The following CSPP1 variants were observed in gnomAD, a reference collection of about 807,000 sequenced individuals.
CSPP1 encodes centrosome and spindle pole-associated protein 1.
Under a neutral mutation model 164.4 loss-of-function variants are expected in CSPP1, and 126 were observed. That is an observed-to-expected ratio of 0.77 (90% CI 0.66 to 0.89). The LOEUF is 0.89. Ranked by LOEUF, CSPP1 falls within the 40% of genes least tolerant of loss-of-function variation. The probability of loss-of-function intolerance (pLI) is 0.00; values close to 1 mark genes in which losing one functional copy is unlikely to be tolerated. For missense variants in CSPP1, 1,395 were observed against 1,449.8 expected (o/e 0.96, Z 0.61); for synonymous variants, 472 against 476.7 (o/e 0.99, Z 0.13).
chr8:67,148,780 T>A (rs895949438), intron 17 of CSPP1, among the ~76,000 whole-genome samples: 5 of 152,216 alleles, frequency 3.3e-5, no homozygotes, highest in African/African-American at 1.2e-4. Flanking sequence ...CAGGTACTTT[T>A]TATTTTATTA....
At chr8:67,182,315 CCCT>C (rs945162066) in intron 28 of CSPP1, among the ~76,000 whole-genome samples, 3 of 144,980 alleles carry the variant, frequency 2.1e-5, no homozygotes, top group Non-Finnish European at 2.9e-5. Context: ...GCCAGATTTC[CCCT>C]TTTTTTTTTT....
chr8:67,119,536 G>A (rs975283942), intron 15 of CSPP1, among the ~76,000 whole-genome samples: 2 of 151,986 alleles, frequency 1.3e-5, no homozygotes, highest in Non-Finnish European at 1.5e-5. Flanking sequence ...ATTTCTCCAC[G>A]TCTTTGCCAA....
intron 15 of CSPP1, among the ~76,000 whole-genome samples, chr8:67,131,633 A>T (rs574959237): frequency 6.6e-6 from 1 of 152,272 alleles, no homozygotes; most frequent in African/African-American, 2.4e-5. Flanking sequence ...CTGTGTTATT[A>T]TTTCTGTTTG....
At chr8:67,067,709 C>T (rs1407459008) in intron 1 of CSPP1, among the ~76,000 whole-genome samples, 1 of 151,746 alleles carries the variant, frequency 6.6e-6, no homozygotes, top group African/African-American at 2.4e-5. Context: ...GTGATCCGCC[C>T]GCCTCGGCCT....
chr8:67,136,500 C>T (rs565118865), intron 16 of CSPP1, among the ~76,000 whole-genome samples: 55 of 131,300 alleles, frequency 4.2e-4, no homozygotes, highest in African/African-American at 1.5e-3. Flanking sequence ...ACCCGGGAGG[C>T]GGAGCTTGCA....
chr8:67,095,311 A>C lies in CSPP1; in HGVS notation c.502A>C (p.Lys168Gln), dbSNP rs772650396. The C allele has an allele frequency of 1.3e-5, 21 of 1,567,600 alleles. No individual in the cohort carries two copies. The highest frequency in any genetic ancestry group is 1.7e-5 in the Non-Finnish European group (20 of 1,164,516). The change falls in exon 7 of 31, where the codon AAA becomes CAA. Residue 168 changes from lysine (K) to glutamine (Q), a missense_variant. By Grantham distance (53) the Lys-to-Gln change is moderately conservative. Transcript: ENST00000678616. Reference sequence around the variant, plus strand: ...TGAACAGCCCAAGAGTCAGAGAAATAAAAAACCTATTGGTCAAGTTAAGCC... The same window carrying C: ...TGAACAGCCCAAGAGTCAGAGAAATCAAAAACCTATTGGTCAAGTTAAGCC... ...KSTEPKSQRN[K>Q]KPIGQVKPDL...
intron 28 of CSPP1, among the ~76,000 whole-genome samples, chr8:67,185,330 T>G (rs934391865): frequency 6.6e-6 from 1 of 152,318 alleles, no homozygotes. Context: ...CGACAAAGAT[T>G]ATCACTTTAA....
intron 24 of CSPP1, among the ~76,000 whole-genome samples, chr8:67,165,864 AG>A (rs1012080128): frequency 5.9e-5 from 9 of 152,336 alleles, no homozygotes; most frequent in South Asian, 2.1e-4. Context: ...AAGAGTGAGA[AG>A]GGGGTGGAAT....
chr8:67,086,736 C>A, intron 4 of CSPP1: 3 of 614,778 alleles, frequency 4.9e-6, no homozygotes, highest in Non-Finnish European at 8.2e-6. Flanking sequence ...TCCAAGTGTA[C>A]AAATGTCTCT....
chr8:67,101,937 T>C (rs1814210489), intron 7 of CSPP1, among the ~76,000 whole-genome samples: 1 of 152,210 alleles, frequency 6.6e-6, no homozygotes, highest in African/African-American at 2.4e-5. Flanking sequence ...GCTTATGAAA[T>C]GCTGATTTTC....
chr8:67,172,049 C>T (rs959500806), intron 24 of CSPP1, among the ~76,000 whole-genome samples: 16 of 147,500 alleles, frequency 1.1e-4, no homozygotes, highest in African/African-American at 4.0e-4. Flanking sequence ...GGTTTCTCCA[C>T]GTTGGCCCAG....
chr8:67,095,225 G>T lies in CSPP1; in HGVS notation c.484-68G>T, dbSNP rs1041255834. ...ATGATAGACTAAGTATAAATTGAGG[G>T]TTTAATTACCTTATAAGAGATAGTT... On this transcript the variant is annotated intron_variant, in intron 6 of 30. Transcript: ENST00000678616. 9.8e-6 allele frequency: 9 copies of T among 922,822 alleles called. No homozygotes were observed. The Admixed American group carries it at 1.2e-4, about 13-fold the overall frequency. The allele number at this position is 922,822 out of a possible 1,614,324, so 57.2% of individuals were successfully genotyped here.
chr8:67,166,197 A>G (rs906288396), intron 24 of CSPP1, among the ~76,000 whole-genome samples: 2 of 152,116 alleles, frequency 1.3e-5, no homozygotes, highest in Non-Finnish European at 2.9e-5. Flanking sequence ...CATCCCTAGA[A>G]TCAGCTATTT....
chr8:67,139,538 G>A (rs1212476333), intron 17 of CSPP1, among the ~76,000 whole-genome samples: 6 of 152,200 alleles, frequency 3.9e-5, no homozygotes, highest in Non-Finnish European at 5.9e-5. Flanking sequence ...AAAGACACAT[G>A]CACATGTATG....
At position 67,149,794 on chromosome 8, in the gene CSPP1, A is replaced by G. The variant is rs199996939; in HGVS notation, c.1987A>G (p.Arg663Gly). The change falls in exon 18 of 31, where the codon AGG becomes GGG. Residue 663 changes from arginine to glycine, a missense_variant. Coordinates refer to ENST00000678616, the MANE Select transcript of CSPP1 (RefSeq NM_001382391.1). ...TTTTTTCCTCTCAGCTGATTTGAAT[A>G]GGATGCACAGACAAAATATAGATGC... Reference protein sequence around the residue: ...AKGNLITDLNRMHRQNIDAYH... With the variant: ...AKGNLITDLNGMHRQNIDAYH... 3.1e-4 allele frequency: 493 copies of G among 1,572,752 alleles called. 5 individuals are homozygous for G. The Middle Eastern group carries it at 0.012, about 38-fold the overall frequency.
At chr8:67,071,539 T>TTTGAATCTTGAATTTCTAACCG (rs1370357737) in intron 1 of CSPP1, among the ~76,000 whole-genome samples, 1 of 152,204 alleles carries the variant, frequency 6.6e-6, no homozygotes, top group Non-Finnish European at 1.5e-5. Flanking sequence ...TTTTCTTGAA[T>TTTGAATCTTGAATTTCTAACCG]TTGAATCTTG....
chr8:67,147,333 C>T (rs1245538658), intron 17 of CSPP1, among the ~76,000 whole-genome samples: 1 of 152,128 alleles, frequency 6.6e-6, no homozygotes, highest in East Asian at 1.9e-4. Context: ...TTGCAGTCAC[C>T]TTTTTCTGTG....
At chr8:67,097,692 GT>G (rs199869908) in intron 7 of CSPP1, among the ~76,000 whole-genome samples, 4 of 149,048 alleles carry the variant, frequency 2.7e-5, no homozygotes, top group African/African-American at 7.4e-5. Context: ...TTGCTTCTTT[GT>G]TTTTTTTTAA....
chr8:67,067,452 TG>T (rs1216110776), intron 1 of CSPP1, among the ~76,000 whole-genome samples: 3 of 151,614 alleles, frequency 2.0e-5, no homozygotes, highest in Non-Finnish European at 2.9e-5. Context: ...CTGTTTTTTT[TG>T]TTTGTTTGTT....
Sources: gnomAD v4.1 joint callset for allele counts (sites outside exome capture counted in the v4.1 genomes callset) on GRCh38, gnomAD v4.1.1 for gene constraint, MANE v1.5 for transcripts, NCBI Gene and HGNC (gene_info 2026-07-23, HGNC 2026-07-21) for gene names.